GATAD2A: variants seen among roughly 807,000 people sequenced by gnomAD.
The protein encoded by GATAD2A is GATA zinc finger domain containing 2A.
A neutral mutation model predicts 68.5 loss-of-function variants in GATAD2A; 12 were observed. The observed-to-expected ratio is 0.18, with a 90% CI of 0.11 to 0.28. The LOEUF is 0.28. Among genes scored for constraint, GATAD2A ranks in the 10% least tolerant of loss-of-function variants. GATAD2A has a pLI of 1.00. For missense variants in GATAD2A, 755 were observed against 868.5 expected (o/e 0.87, Z 1.64); for synonymous variants, 410 against 375.3 (o/e 1.09, Z -1.07).
At chr19:19,459,776 C>G (rs1433888362) in intron 1 of GATAD2A, among the ~76,000 whole-genome samples, 3 of 152,260 alleles carry the variant, frequency 2.0e-5, no homozygotes, top group African/African-American at 7.2e-5. Flanking sequence ...CATGGCCAGC[C>G]AGCGTGTGTG....
intron 1 of GATAD2A, among the ~76,000 whole-genome samples, chr19:19,430,977 GTGTGTGTGTGT>G (rs758525339): frequency 4.4e-5 from 2 of 45,730 alleles, no homozygotes; most frequent in Non-Finnish European, 7.3e-5. Context: ...TATGGTAGGG[GTGTGTGTGTGT>G]GTGTGTGTGT....
At chr19:19,392,696 T>G (rs2048936863) in intron 1 of GATAD2A, among the ~76,000 whole-genome samples, 2 of 150,244 alleles carry the variant, frequency 1.3e-5, no homozygotes, top group Non-Finnish European at 3.0e-5. Context: ...GGTCAAGTTT[T>G]TTTTTTTTTT....
chr19:19,496,436 C>CA (rs141114525), intron 7 of GATAD2A, among the ~76,000 whole-genome samples: 1 of 152,298 alleles, frequency 6.6e-6, no homozygotes, highest in East Asian at 1.9e-4. Context: ...ACTTGCTATC[C>CA]AGCACAGGTG....
chr19:19,494,153 A>G (rs1405960192), intron 4 of GATAD2A, 141 bp from the exon 5 acceptor site: 2 of 580,412 alleles, frequency 3.4e-6, no homozygotes, highest in East Asian at 5.8e-5. Flanking sequence ...TTCAGCCTTC[A>G]AGCAGAACCT....
At chr19:19,432,936 T>G (rs1172142170) in intron 1 of GATAD2A, among the ~76,000 whole-genome samples, 1 of 152,130 alleles carries the variant, frequency 6.6e-6, no homozygotes, top group Non-Finnish European at 1.5e-5. Flanking sequence ...GTGTGGCCAG[T>G]GGAGGTGTGA....
In GATAD2A at chr19:19,436,212, G is replaced by A. The variant is rs777383299; in HGVS notation, c.-6-29128G>A. 16 of 1,361,194 alleles carry A rather than the reference G, an allele frequency of 1.2e-5. No individual in the cohort carries two copies. The South Asian group carries it at 1.5e-4, about 13-fold the overall frequency. The allele number at this position is 1,361,194 out of a possible 1,614,324, so 84.3% of individuals were successfully genotyped here. The stretch of plus-strand genomic sequence containing the variant: ...TGGTAGGACCAGCACCCCATACCCC[G>A]AAGCCAGGTGAGTGCTTGGGGTGTA... On this transcript the variant is annotated intron_variant, in intron 1 of 11. Coordinates refer to ENST00000683918, the MANE Select transcript of GATAD2A (RefSeq NM_001384528.1).
Position 19,507,303 on chromosome 19 carries a change from T to C in GATAD2A, c.*1829T>C, listed in dbSNP as rs1302581687. 6.6e-6 allele frequency: 1 copy of C among 151,964 alleles called. No individual in the cohort carries two copies. The highest frequency in any genetic ancestry group is 2.4e-5 in the African/African-American group (1 of 41,346). The allele number at this position is 151,964 out of a possible 1,614,324, so 9.4% of individuals were successfully genotyped here. On this transcript the variant is annotated 3_prime_UTR_variant, in exon 12 of 12. Transcript: ENST00000683918. Reference sequence around the variant, plus strand: ...TGCAAGCATTTCTATTCCTCGCATTTTTCTGTGTGCCTGGCAAATAAATAC... The same window carrying C: ...TGCAAGCATTTCTATTCCTCGCATTCTTCTGTGTGCCTGGCAAATAAATAC...
upstream of GATAD2A, among the ~76,000 whole-genome samples, chr19:19,401,745 A>T (rs200191050): frequency 6.7e-6 from 1 of 149,702 alleles, no homozygotes; most frequent in East Asian, 2.0e-4. Context: ...ACCAAAAAAA[A>T]GGAAAAGAAA....
At chr19:19,437,845 C>G (rs895764570) in intron 1 of GATAD2A, among the ~76,000 whole-genome samples, 1 of 152,130 alleles carries the variant, frequency 6.6e-6, no homozygotes. Flanking sequence ...TGAGTTGTTT[C>G]TACTTTTTTA....
chr19:19,452,559 A>ACAGGACATAGATTGCCCC (rs2056501500), intron 1 of GATAD2A, among the ~76,000 whole-genome samples: 2 of 152,044 alleles, frequency 1.3e-5, no homozygotes, highest in South Asian at 4.2e-4. Context: ...TGTGAGCTGG[A>ACAGGACATAGATTGCCCC]CAGGACATAG....
chr19:19,399,757 G>A lies in GATAD2A; in HGVS notation c.-7+13619G>A, dbSNP rs184937537. ...TTACGGGCATTTCACTATAAATGGGGGGTTTGGGGAGTATACATCCTGTTA... is the reference window on the plus strand; with the variant it reads ...TTACGGGCATTTCACTATAAATGGGAGGTTTGGGGAGTATACATCCTGTTA... On this transcript the variant is annotated intron_variant, in intron 1 of 11. Coordinates refer to the GATAD2A transcript ENST00000360315. Among the ~76,000 whole-genome samples, 825 of 152,270 alleles carry A rather than the reference G, an allele frequency of 5.4e-3. 5 individuals carry two copies. The highest frequency in any genetic ancestry group is 8.3e-3 in the Non-Finnish European group (564 of 68,012).
At chr19:19,463,652 G>T (rs2057644536) in intron 1 of GATAD2A, among the ~76,000 whole-genome samples, 1 of 152,202 alleles carries the variant, frequency 6.6e-6, no homozygotes, top group South Asian at 2.1e-4. Context: ...GAGATTCGGA[G>T]TCTCCCTGCC....
chr19:19,496,356 C>G (rs967411617), intron 7 of GATAD2A, 137 bp downstream of exon 7: 2 of 804,128 alleles, frequency 2.5e-6, no homozygotes, highest in African/African-American at 3.4e-5. Context: ...CAGAGCCAGG[C>G]AGGGGCTTGG....
At chr19:19,434,278 C>CG (rs1178671957) in intron 1 of GATAD2A, among the ~76,000 whole-genome samples, 1 of 152,132 alleles carries the variant, frequency 6.6e-6, no homozygotes, top group Non-Finnish European at 1.5e-5. Flanking sequence ...TTCCCACCCT[C>CG]GGGGCAGAGA....
At chr19:19,470,778 TGAG>T (rs1171236208) in intron 2 of GATAD2A, among the ~76,000 whole-genome samples, 1 of 152,058 alleles carries the variant, frequency 6.6e-6, no homozygotes. Flanking sequence ...TAACAAGTGT[TGAG>T]GAGGAAGTGT....
intron 1 of GATAD2A, among the ~76,000 whole-genome samples, chr19:19,409,490 T>G (rs981071947): frequency 1.3e-5 from 2 of 152,146 alleles, no homozygotes; most frequent in African/African-American, 4.8e-5. Flanking sequence ...TGCTGCCTGC[T>G]AAGTGTGGTC....
chr19:19,494,195 A>G, intron 4 of GATAD2A, 99 bp from the exon 5 acceptor site: 2 of 635,360 alleles, frequency 3.1e-6, no homozygotes, highest in Non-Finnish European at 5.6e-6. Context: ...GGAGGAAGAC[A>G]GTCAGTCCTC....
chr19:19,406,145 A>G (rs2050208116), intron 1 of GATAD2A, 126 bp downstream of exon 1: 1 of 151,714 alleles, frequency 6.6e-6, no homozygotes, highest in African/African-American at 2.4e-5. Flanking sequence ...GAGCGTGGAA[A>G]AGTGAGAGCG....
chr19:19,498,777 G>C, intron 8 of GATAD2A, 55 bp downstream of exon 8: 1 of 1,468,540 alleles, frequency 6.8e-7, no homozygotes, highest in African/African-American at 1.4e-5. Flanking sequence ...CAAGGGTGCT[G>C]CCCCGTGGGT....
Sources: allele counts gnomAD v4.1 joint callset (sites outside exome capture counted in the v4.1 genomes callset), GRCh38; gene constraint gnomAD v4.1.1; transcripts MANE v1.5; gene names NCBI Gene and HGNC (gene_info 2026-07-23, HGNC 2026-07-21).